PIGF: variants seen among roughly 807,000 people sequenced by gnomAD.
PIGF encodes the protein GPI ethanolamine phosphate transferase, stabilizing subunit.
Under a neutral mutation model 26.0 loss-of-function variants are expected in PIGF, and 23 were observed. The ratio of observed to expected loss-of-function variants is 0.88; its 90% CI spans 0.64 to 1.25. The LOEUF (loss-of-function observed/expected upper bound fraction) is 1.25. PIGF is among the 50% of genes most tolerant of loss of function. The pLI is 0.00. For synonymous variants in PIGF, 93 were observed against 92.6 expected (o/e 1.00, Z -0.03); for missense variants, 278 against 249.9 (o/e 1.11, Z -0.76).
intron 1 of PIGF, 29 bp downstream of exon 1, chr2:46,616,941 A>AG (rs201326006): frequency 4.4e-5 from 14 of 317,754 alleles, no homozygotes; most frequent in Non-Finnish European, 6.8e-5. Context: ...TCGTGAGGCG[A>AG]GACGCCGAGG....
At chr2:46,613,584 A>G in intron 3 of PIGF, 110 bp downstream of exon 3, 1 of 701,016 alleles carries the variant, frequency 1.4e-6, no homozygotes. Flanking sequence ...TCCTTACTTG[A>G]TCTATTAATG....
chr2:46,584,924 A>T (rs770162549), intron 5 of PIGF, among the ~76,000 whole-genome samples: 1 of 152,182 alleles, frequency 6.6e-6, no homozygotes, highest in Non-Finnish European at 1.5e-5. Context: ...TATTCTAAAA[A>T]TTTTTAAACT....
At chr2:46,611,321 T>C (rs1395404536) in intron 4 of PIGF, among the ~76,000 whole-genome samples, 4 of 151,940 alleles carry the variant, frequency 2.6e-5, no homozygotes, top group Non-Finnish European at 2.9e-5. Flanking sequence ...CTGTCTCTAC[T>C]AAAAATAGAA....
intron 4 of PIGF, among the ~76,000 whole-genome samples, chr2:46,611,232 T>C (rs1216565208): frequency 6.6e-6 from 1 of 152,198 alleles, no homozygotes; most frequent in Non-Finnish European, 1.5e-5. Flanking sequence ...CTCATACCTG[T>C]AATCCCAGCA....
intron 5 of PIGF, chr2:46,581,983 T>C (rs537406909): frequency 2.4e-4 from 39 of 162,584 alleles, no homozygotes; most frequent in Admixed American, 5.5e-4. Flanking sequence ...GAAGTGTGTA[T>C]GCTGACCAAA....
chr2:46,605,855 C>G (rs1670205445), intron 4 of PIGF, among the ~76,000 whole-genome samples: 1 of 152,118 alleles, frequency 6.6e-6, no homozygotes, highest in African/African-American at 2.4e-5. Context: ...CTAGATTGCT[C>G]TGAGAAACTC....
rs1670564838 is a variant in PIGF, at chr2:46,615,038, A to G, written c.127T>C (p.Trp43Arg). ...NFSILETHLTWLCICSGFVTA... is the reference protein window; with the variant it reads ...NFSILETHLTRLCICSGFVTA... The stretch of plus-strand genomic sequence containing the variant: ...ACAAAACCAGAACAGATGCACAACC[A>G]TGTCAAGTGTGTTTCCAATATTGAG... The change falls in exon 2 of 6, where the codon TGG becomes CGG. Residue 43 changes from tryptophan to arginine, a missense_variant. Transcript: ENST00000281382. The G allele has an allele frequency of 6.2e-7, 1 of 1,606,086 alleles. No individual in the cohort carries two copies. The highest frequency in any genetic ancestry group is 8.5e-7 in the Non-Finnish European group (1 of 1,172,834).
intron 4 of PIGF, among the ~76,000 whole-genome samples, chr2:46,593,797 ATTTGT>A (rs953164138): frequency 2.6e-5 from 4 of 152,214 alleles, no homozygotes; most frequent in Non-Finnish European, 5.9e-5. Flanking sequence ...GGGGGAAAAC[ATTTGT>A]TTTGTTAGAT....
chr2:46,581,150 T>C lies in PIGF; in HGVS notation c.*328A>G. The stretch of plus-strand genomic sequence containing the variant: ...GAAAGCAAATGAAATGCTACAGCTA[T>C]ACCCAGACCTTTTATAGGTAATGAA... On this transcript the variant is annotated 3_prime_UTR_variant, in exon 6 of 6. Coordinates refer to ENST00000281382, the MANE Select transcript of PIGF (RefSeq NM_002643.4). 1.5e-6 allele frequency: 2 copies of C among 1,291,642 alleles called. No homozygotes were observed. Among genetic ancestry groups the C allele is most frequent in the Admixed American group, 2.5e-5 (1 of 39,580 alleles). 80.0% of individuals were successfully genotyped at this position (1,291,642 alleles called of 1,614,324 possible). A position where few individuals can be genotyped will look rare whatever the true frequency, so the allele number is the denominator to read the frequency against.
At chr2:46,603,372 T>C (rs1187835763) in intron 4 of PIGF, among the ~76,000 whole-genome samples, 1 of 152,042 alleles carries the variant, frequency 6.6e-6, no homozygotes, top group African/African-American at 2.4e-5. Flanking sequence ...CTAAAATTTA[T>C]ATGGAACCAC....
intron 5 of PIGF, among the ~76,000 whole-genome samples, chr2:46,587,284 G>C (rs1572767491): frequency 6.6e-6 from 1 of 152,006 alleles, no homozygotes; most frequent in African/African-American, 2.4e-5. Context: ...CATAATCTTA[G>C]TTTTAATCTC....
chr2:46,595,303 A>C (rs1159003860), intron 4 of PIGF, among the ~76,000 whole-genome samples: 1 of 152,128 alleles, frequency 6.6e-6, no homozygotes, highest in Non-Finnish European at 1.5e-5. Context: ...CCACTAAGCT[A>C]CTTTCTGTCT....
Position 46,588,296 on chromosome 2 carries a change from G to T in PIGF, c.546+4179C>A. Reference sequence around the variant, plus strand: ...CCACTCTACCAACTGAAAGACTGCTGGGCAGAAAAAATAAAACAACAAACT... The same window carrying T: ...CCACTCTACCAACTGAAAGACTGCTTGGCAGAAAAAATAAAACAACAAACT... On this transcript the variant is annotated intron_variant, in intron 5 of 5. Coordinates refer to ENST00000281382, the MANE Select transcript of PIGF (RefSeq NM_002643.4). This position sits in a 1 kb window ranked among gnomAD's most constrained non-coding sequence, Gnocchi z 4.1. 1 of 1,291,394 alleles carries T rather than the reference G, an allele frequency of 7.7e-7. No individual in the cohort carries two copies. Among genetic ancestry groups the T allele is most frequent in the Non-Finnish European group, 1.0e-6 (1 of 967,162 alleles). The allele number at this position is 1,291,394 out of a possible 1,614,324, so 80.0% of individuals were successfully genotyped here. A position where few individuals can be genotyped will look rare whatever the true frequency, so the allele number is the denominator to read the frequency against.
chr2:46,596,961 G>C (rs1669907979), intron 4 of PIGF, among the ~76,000 whole-genome samples: 1 of 152,154 alleles, frequency 6.6e-6, no homozygotes, highest in South Asian at 2.1e-4. Flanking sequence ...TGGATGTTAA[G>C]AACTGCCTCT....
At chr2:46,614,016 C>T (rs987649445) in intron 2 of PIGF, 9 of 425,470 alleles carry the variant, frequency 2.1e-5, no homozygotes, top group African/African-American at 4.2e-5. Flanking sequence ...TCTACCCATC[C>T]GACCTACATG....
intron 1 of PIGF, chr2:46,616,700 C>G (rs1434559208): frequency 6.4e-6 from 1 of 156,648 alleles, no homozygotes; most frequent in African/African-American, 2.4e-5. Context: ...CTGCCCGAGC[C>G]TACGCCGGCG....
At chr2:46,604,678 T>C (rs929636275) in intron 4 of PIGF, among the ~76,000 whole-genome samples, 9 of 151,280 alleles carry the variant, frequency 5.9e-5, no homozygotes, top group East Asian at 3.9e-4. Flanking sequence ...CTCATGGAGA[T>C]AGAGAGTAGA....
intron 1 of PIGF, chr2:46,615,951 T>C (rs999364743): frequency 2.6e-5 from 4 of 152,170 alleles, no homozygotes; most frequent in Admixed American, 2.6e-4. Flanking sequence ...AACAAGGACT[T>C]TATTAATTTA....
chr2:46,585,917 G>A (rs567977567), intron 5 of PIGF, among the ~76,000 whole-genome samples: 2 of 152,268 alleles, frequency 1.3e-5, no homozygotes, highest in Non-Finnish European at 2.9e-5. Context: ...GGGACTACAG[G>A]TGCCTGCCAC....
Sources: allele counts gnomAD v4.1 joint callset (sites outside exome capture counted in the v4.1 genomes callset), GRCh38; gene constraint gnomAD v4.1.1; non-coding constraint Gnocchi (gnomAD v3.1); transcripts MANE v1.5; gene names NCBI Gene and HGNC (gene_info 2026-07-23, HGNC 2026-07-21).